Variants in PLK1 observed in about 807,000 individuals in gnomAD.
PLK1 encodes the protein serine/threonine-protein kinase PLK1.
PLK1 carries 6 observed loss-of-function variants against 56.7 expected under a neutral mutation model. The observed-to-expected ratio is 0.11, with a 90% CI of 0.06 to 0.21. The LOEUF is 0.21. Ranked by LOEUF, PLK1 falls within the 10% of genes least tolerant of loss-of-function variation. The pLI, the probability that PLK1 is intolerant of heterozygous loss-of-function variation, is 1.00. For missense variants in PLK1, 546 were observed against 814.4 expected, an observed-to-expected ratio of 0.67 and a Z score of 4.01; for synonymous variants, 298 against 325.0, an observed-to-expected ratio of 0.92 and a Z score of 0.89.
chr16:23,680,022 C>G, intron 1 of PLK1, 62 bp from the exon 2 acceptor site: 2 of 1,216,592 alleles, frequency 1.6e-6, no homozygotes, highest in South Asian at 2.6e-5. Context: ...GTAACCCTCT[C>G]CCTTCCCCAC....
At position 23,680,029 on chromosome 16, in the gene PLK1, C is replaced by T. The variant is rs1157500614; in HGVS notation, c.409-55C>T. ...TTTGCCTGGTAACCCTCTCCCTTCC[C>T]CACCGGCCTCAATCCACCTCCCCAT... On this transcript the variant is annotated intron_variant, in intron 1 of 9. Transcript: ENST00000300093. 3.0e-6 allele frequency: 4 copies of T among 1,312,612 alleles called. No individual in the cohort carries two copies. The East Asian group carries it at 9.3e-5, about 30-fold the overall frequency. 81.3% of individuals were successfully genotyped at this position (1,312,612 alleles called of 1,614,324 possible).
At chr16:23,683,425 A>G (rs1346330884) in intron 4 of PLK1, among the ~76,000 whole-genome samples, 1 of 152,226 alleles carries the variant, frequency 6.6e-6, no homozygotes, top group African/African-American at 2.4e-5. Context: ...CCATAAGGAC[A>G]GACATAGTAA....
chr16:23,683,790 A>C lies in PLK1; in HGVS notation c.817-80A>C, dbSNP rs1352470794. ...ACTGGGGGCTGCATGTGGGCTGGGG[A>C]CCTGCAGCTCCTTTGAGGCCGTACT... On this transcript the variant is annotated intron_variant, in intron 4 of 9. Coordinates refer to ENST00000300093, the MANE Select transcript of PLK1 (RefSeq NM_005030.6). The C allele has an allele frequency of 5.7e-5, 61 of 1,061,256 alleles. No homozygotes were observed. The East Asian group carries it at 1.4e-3, about 24-fold the overall frequency. 65.7% of individuals were successfully genotyped at this position (1,061,256 alleles called of 1,614,324 possible).
chr16:23,679,577 G>A, intron 1 of PLK1: 1 of 510,680 alleles, frequency 2.0e-6, no homozygotes. Flanking sequence ...GTTGCTGATA[G>A]GGAAGTCAGC....
chr16:23,685,787 A>G (rs1261613455), intron 5 of PLK1, among the ~76,000 whole-genome samples: 1 of 152,126 alleles, frequency 6.6e-6, no homozygotes, highest in Non-Finnish European at 1.5e-5. Context: ...CCTGCCCTCA[A>G]GTGATCCTCC....
Position 23,689,912 on chromosome 16 carries a change from A to G in PLK1, c.1661A>G (p.Asp554Gly), listed in dbSNP as rs977271413. Residue 554 changes from aspartate to glycine, a missense_variant, in exon 10 of 10, where the codon GAC (aspartate) becomes GGC (glycine). Around this residue, in one of 7 missense-constraint regions of PLK1, gnomAD observed 72 missense variants for 77.9 expected, o/e 0.92. Coordinates refer to ENST00000300093, the MANE Select transcript of PLK1 (RefSeq NM_005030.6). This position sits in a 1 kb window ranked among gnomAD's most constrained non-coding sequence, Gnocchi z 4.8. ...CPLMAAVTYI[D>G]EKRDFRTYRL... ...CTGATGGCAGCCGTGACCTACATCG[A>G]CGAGAAGCGGGACTTCCGCACATAC... The G allele has an allele frequency of 1.2e-6, 2 of 1,614,110 alleles. No homozygotes were observed. Among genetic ancestry groups the G allele is most frequent in the Admixed American group, 1.7e-5 (1 of 60,020 alleles).
chr16:23,687,377 T>A, intron 5 of PLK1, 92 bp from the exon 6 acceptor site: 1 of 1,072,028 alleles, frequency 9.3e-7, no homozygotes, highest in South Asian at 1.8e-5. Flanking sequence ...AAAGCAGTGG[T>A]AGCTAAGAGA....
intron 4 of PLK1, among the ~76,000 whole-genome samples, chr16:23,682,992 T>C (rs113427043): frequency 3.6e-4 from 51 of 140,544 alleles, no homozygotes; most frequent in African/African-American, 1.2e-3. Context: ...TTTCTTTTTT[T>C]TTTTTTTTTT....
rs755929210 is a variant in PLK1 at position 23,687,479 on chromosome 16, C to A, written c.1047C>A (p.Asn349Lys). Residue 349 changes from asparagine to lysine, a missense_variant, in exon 6 of 10, where the codon AAC becomes AAA. Asn to Lys is a moderately conservative substitution (Grantham distance 94). Transcript: ENST00000300093. ...PLTVLNKGLE[N>K]PLPERPREKE... is the part of the protein sequence containing the mutation. ...TTGTCACCTTCCTAGGCTTGGAGAA[C>A]CCCCTGCCTGAGCGTCCCCGGGAAA... 1.9e-6 allele frequency: 3 copies of A among 1,584,930 alleles called. No individual in the cohort carries two copies. The African/African-American group carries it at 4.0e-5, about 21-fold the overall frequency.
chr16:23,682,985 CTTTTTTT>C (rs1031796646), intron 4 of PLK1, among the ~76,000 whole-genome samples: 3 of 91,514 alleles, frequency 3.3e-5, no homozygotes, highest in Non-Finnish European at 4.2e-5. Flanking sequence ...TGTGCATTTT[CTTTTTTT>C]TTTTTTTTTT....
chr16:23,688,835 G>T (rs1256601527), intron 7 of PLK1, 90 bp downstream of exon 7: 19 of 910,042 alleles, frequency 2.1e-5, no homozygotes, highest in Non-Finnish European at 3.7e-6. Context: ...GAGCTCCCAG[G>T]TACTGTTCTC....
At position 23,689,148 on chromosome 16, in the gene PLK1, T is replaced by C. The variant is rs1467598612; in HGVS notation, c.1271-90T>C. 1 of 1,187,544 alleles carries C rather than the reference T, an allele frequency of 8.4e-7. No homozygotes were observed. The highest frequency in any genetic ancestry group is 1.2e-6 in the Non-Finnish European group (1 of 812,574). The allele number at this position is 1,187,544 out of a possible 1,614,324, so 73.6% of individuals were successfully genotyped here. On this transcript the variant is annotated intron_variant, in intron 7 of 9. Coordinates refer to ENST00000300093, the MANE Select transcript of PLK1 (RefSeq NM_005030.6). This position sits in a 1 kb window ranked among gnomAD's most constrained non-coding sequence, Gnocchi z 4.8. ...ATCCTCCTCCCTCAGCCTCCCAAAG[T>C]GCTGGAATCACAGGCATGTGCCACC...
Position 23,690,012 on chromosome 16 carries a change from G to A in PLK1, c.1761G>A (p.Val587=), listed in dbSNP as rs1234849332. 6.2e-7 allele frequency: 1 copy of A among 1,613,320 alleles called. No individual in the cohort carries two copies. The highest frequency in any genetic ancestry group is 8.5e-7 in the Non-Finnish European group (1 of 1,179,994). ...GGCTCCGCTACGCCCGCACTATGGT[G>A]GACAAGCTGCTGAGCTCACGCTCGG... ...ASRLRYARTM[V]DKLLSSRSAS... The change falls in exon 10 of 10, where the codon GTG becomes GTA. Residue 587 remains valine, a synonymous_variant. Coordinates refer to ENST00000300093, the MANE Select transcript of PLK1 (RefSeq NM_005030.6).
At position 23,683,698 on chromosome 16, in the gene PLK1, T is replaced by G. The variant is rs1286861032; in HGVS notation, c.817-172T>G. 2.6e-5 allele frequency among the ~76,000 whole-genome samples: 4 copies of G among 152,114 alleles called. No individual in the cohort carries two copies. In the East Asian group the frequency reaches 7.7e-4, roughly 29 times the overall value. On this transcript the variant is annotated intron_variant, in intron 4 of 9. Coordinates refer to ENST00000300093, the MANE Select transcript of PLK1 (RefSeq NM_005030.6). The stretch of plus-strand genomic sequence containing the variant: ...TGACCCTTCTGTCAATGGTGCTCAG[T>G]AAAGCTGACAGTGGAGAACTTGGCA...
At chr16:23,688,638 C>G (rs1567240457) in intron 6 of PLK1, 30 bp from the exon 7 acceptor site, 1 of 1,562,816 alleles carries the variant, frequency 6.4e-7, no homozygotes, top group East Asian at 2.2e-5. Context: ...TGGTCCTGAC[C>G]AACTAACTGT....
intron 1 of PLK1, 56 bp downstream of exon 1, chr16:23,679,396 A>T (rs1267593574): frequency 6.6e-7 from 1 of 1,517,938 alleles, no homozygotes; most frequent in South Asian, 1.2e-5. Flanking sequence ...GAGCGCCCAG[A>T]CCTGGAGCTG....
intron 5 of PLK1, chr16:23,687,078 T>C (rs1455074109): frequency 2.6e-5 from 4 of 155,978 alleles, no homozygotes; most frequent in Non-Finnish European, 4.2e-5. Flanking sequence ...TTCTTGTGTT[T>C]TTATTTAAAT....
Position 23,690,285 on chromosome 16 carries a change from A to G in PLK1, c.*222A>G. 2 of 596,404 alleles carry G rather than the reference A, an allele frequency of 3.4e-6. No homozygotes were observed. Among genetic ancestry groups the G allele is most frequent in the Non-Finnish European group, 3.0e-6 (1 of 332,350 alleles). 36.9% of individuals were successfully genotyped at this position (596,404 alleles called of 1,614,324 possible). ...TGTCCCCCTCCCCCTCAACCCCACCATATGAATTGTACAGAATATTTCTAT... is the reference window on the plus strand; with the variant it reads ...TGTCCCCCTCCCCCTCAACCCCACCGTATGAATTGTACAGAATATTTCTAT... On this transcript the variant is annotated 3_prime_UTR_variant, in exon 10 of 10. Coordinates refer to ENST00000300093, the MANE Select transcript of PLK1 (RefSeq NM_005030.6).
intron 5 of PLK1, among the ~76,000 whole-genome samples, chr16:23,684,726 C>T (rs543296304): frequency 3.9e-5 from 6 of 152,110 alleles, no homozygotes; most frequent in South Asian, 2.1e-4. Context: ...GGCGTGATCC[C>T]GGCTCACTGC....
Sources: allele counts gnomAD v4.1 joint callset (sites outside exome capture counted in the v4.1 genomes callset), GRCh38; gene constraint gnomAD v4.1.1; regional missense constraint gnomAD v4.1.1; non-coding constraint Gnocchi (gnomAD v3.1); transcripts MANE v1.5; gene names NCBI Gene and HGNC (gene_info 2026-07-23, HGNC 2026-07-21).